Variants in OR10G3 observed in about 807,000 individuals in gnomAD.
OR10G3 encodes the protein olfactory receptor 10G3.
A neutral mutation model predicts 13.4 loss-of-function variants in OR10G3; 8 were observed. The observed-to-expected ratio is 0.60, with a 90% CI of 0.35 to 1.08. The LOEUF (loss-of-function observed/expected upper bound fraction) is 1.08. Ranked by LOEUF, OR10G3 falls within the 50% of genes least tolerant of loss-of-function variation. The pLI, the probability that OR10G3 is intolerant of heterozygous loss-of-function variation, is 0.02. For synonymous variants in OR10G3, 142 were observed against 156.1 expected (o/e 0.91, Z 0.67); for missense variants, 393 against 386.6 (o/e 1.02, Z -0.14).
rs748824648 is a variant in OR10G3, at chr14:21,570,752, A to G, written c.-8T>C. On this transcript the variant is annotated 5_prime_UTR_variant, in exon 2 of 2. Coordinates refer to ENST00000641040, the MANE Select transcript of OR10G3 (RefSeq NM_001005465.2). ...GCTGTTGATTCTTTCCATATCCCAG[A>G]GAATCTTACCTAGAGAATGGACAAA... is the stretch of plus-strand genomic sequence containing the variant. The G allele has an allele frequency of 7.1e-6, 11 of 1,553,876 alleles. No homozygotes were observed. In the South Asian group the frequency reaches 1.3e-4, roughly 19 times the overall value.
chr14:21,577,789 A>T (rs112563298), intron 1 of OR10G3, among the ~76,000 whole-genome samples: 95 of 152,150 alleles, frequency 6.2e-4, no homozygotes, highest in African/African-American at 2.2e-3. Flanking sequence ...CGGGCAGATC[A>T]CCTGAGGTCG....
chr14:21,574,652 C>T (rs1893108439), intron 1 of OR10G3, among the ~76,000 whole-genome samples: 1 of 151,950 alleles, frequency 6.6e-6, no homozygotes, highest in South Asian at 2.1e-4. Context: ...GAGCGAGTCT[C>T]AAAGCTCCTC....
rs751651063 is a variant in OR10G3, at chr14:21,570,206, CAGA to C, written c.536_538del (p.Phe179del). On this transcript the variant is annotated inframe_deletion, in exon 2 of 2. Coordinates refer to ENST00000641040, the MANE Select transcript of OR10G3 (RefSeq NM_001005465.2). ...CAGTCTCAACACTGCAGGGATGTCA[CAGA>C]AGAAGTAATCCACCTGATTGGGCCC... The C allele has an allele frequency of 2.6e-5, 42 of 1,614,208 alleles. No homozygotes were observed. The East Asian group carries it at 6.5e-4, about 25-fold the overall frequency.
In OR10G3 at chr14:21,569,995, G is replaced by A. The variant is rs757136590; in HGVS notation, c.750C>T (p.Thr250=). 3.7e-6 allele frequency: 6 copies of A among 1,614,034 alleles called. No individual in the cohort carries two copies. The highest frequency in any genetic ancestry group is 4.5e-5 in the East Asian group (2 of 44,882). ...STCGAHVTVV[T]VYYVPCAFIY... is the part of the protein sequence containing the mutation. ...TGAAGGCACAGGGCACATAGTACAC[G>A]GTGACCACGGTTACATGGGCTCCAC... is the stretch of plus-strand genomic sequence containing the variant. Residue 250 remains threonine, a synonymous_variant, in exon 2 of 2, where the codon ACC becomes ACT. Coordinates refer to ENST00000641040, the MANE Select transcript of OR10G3 (RefSeq NM_001005465.2).
chr14:21,576,542 C>T (rs1476300220), intron 1 of OR10G3, among the ~76,000 whole-genome samples: 2 of 152,158 alleles, frequency 1.3e-5, no homozygotes, highest in African/African-American at 2.4e-5. Flanking sequence ...GATACATCAA[C>T]AAAGTTTTAT....
intron 1 of OR10G3, among the ~76,000 whole-genome samples, chr14:21,575,117 T>G (rs1004302865): frequency 2.6e-5 from 4 of 152,238 alleles, no homozygotes; most frequent in African/African-American, 9.6e-5. Flanking sequence ...AGTCTTGCTC[T>G]GTCGCCCAGG....
At chr14:21,577,145 G>A (rs1387863171) in intron 1 of OR10G3, among the ~76,000 whole-genome samples, 2 of 152,008 alleles carry the variant, frequency 1.3e-5, no homozygotes, top group Non-Finnish European at 2.9e-5. Context: ...TATCCCACAT[G>A]TGGTTCTGAG....
chr14:21,577,583 T>G (rs147860728), intron 1 of OR10G3, among the ~76,000 whole-genome samples: 47 of 152,370 alleles, frequency 3.1e-4, no homozygotes, highest in African/African-American at 1.1e-3. Context: ...ACTACCCTAT[T>G]TCAAAATTGA....
Position 21,570,422 on chromosome 14 carries a change from A to C in OR10G3, c.323T>G (p.Leu108Arg). 1 of 1,614,186 alleles carries C rather than the reference A, an allele frequency of 6.2e-7. No individual in the cohort carries two copies. The change falls in exon 2 of 2, where the codon CTG becomes CGG. Residue 108 changes from leucine (L) to arginine (R), a missense_variant. Leu to Arg is a moderately radical substitution (Grantham distance 102). Coordinates refer to ENST00000641040, the MANE Select transcript of OR10G3 (RefSeq NM_001005465.2). ...GTAGAGGAAGCACTGGGTGCTGCCC[A>C]GGAAGTGATAGAAATAGAGTTGAGC... Reference protein sequence around the residue: ...CVAQLYFYHFLGSTQCFLYTL... With the variant: ...CVAQLYFYHFRGSTQCFLYTL...
In OR10G3 at chr14:21,569,702, A is replaced by G. The variant is rs1223137856; in HGVS notation, c.*101T>C. 3.2e-6 allele frequency: 3 copies of G among 939,908 alleles called. No homozygotes were observed. The highest frequency in any genetic ancestry group is 4.8e-6 in the Non-Finnish European group (3 of 627,246). The allele number at this position is 939,908 out of a possible 1,614,324, so 58.2% of individuals were successfully genotyped here. A position where few individuals can be genotyped will look rare whatever the true frequency, so the allele number is the denominator to read the frequency against. ...GTGTTTGATCATACAGTATGGCTAT[A>G]TAAAAGAGAAAAAACAAGAAGAAAA... On this transcript the variant is annotated 3_prime_UTR_variant, in exon 2 of 2. Coordinates refer to ENST00000641040, the MANE Select transcript of OR10G3 (RefSeq NM_001005465.2).
chr14:21,571,491 C>A (rs75003511), intron 1 of OR10G3, among the ~76,000 whole-genome samples: 2,201 of 152,198 alleles, frequency 0.014, 53 homozygotes, highest in African/African-American at 0.05. Context: ...TGCATGTGAT[C>A]ATTTAGCCTT....
chr14:21,577,211 G>C (rs549871571), intron 1 of OR10G3, among the ~76,000 whole-genome samples: 1 of 152,076 alleles, frequency 6.6e-6, no homozygotes, highest in African/African-American at 2.4e-5. Flanking sequence ...GAGATACGGA[G>C]GGACAGAAAG....
chr14:21,575,311 G>A (rs1893115742), intron 1 of OR10G3, among the ~76,000 whole-genome samples: 1 of 151,764 alleles, frequency 6.6e-6, no homozygotes, highest in African/African-American at 2.4e-5. Context: ...TCGATCTCCT[G>A]ACCTCATGAT....
At chr14:21,575,805 C>T (rs939901055) in intron 1 of OR10G3, among the ~76,000 whole-genome samples, 2 of 152,214 alleles carry the variant, frequency 1.3e-5, no homozygotes, top group Admixed American at 6.5e-5. Context: ...CCCGCCACCC[C>T]ATGCCATTTT....
chr14:21,573,566 G>T (rs541216151), intron 1 of OR10G3, among the ~76,000 whole-genome samples: 7 of 134,966 alleles, frequency 5.2e-5, no homozygotes, highest in Non-Finnish European at 1.0e-4. Context: ...CAGCTACTCA[G>T]GAGGTCGAGG....
In OR10G3 at chr14:21,571,484, A is replaced by G. The variant is rs563077847; in HGVS notation, c.-17-723T>C. On this transcript the variant is annotated intron_variant, in intron 1 of 1. Coordinates refer to ENST00000641040, the MANE Select transcript of OR10G3 (RefSeq NM_001005465.2). ...GTGCTATATAATTCAGTTGCTTTGC[A>G]TGTGATCATTTAGCCTTAAGACACA... 2.6e-5 allele frequency among the ~76,000 whole-genome samples: 4 copies of G among 152,326 alleles called. No individual in the cohort carries two copies. In the South Asian group the frequency reaches 8.3e-4, roughly 32 times the overall value.
At chr14:21,577,734 C>T (rs4587876) in intron 1 of OR10G3, among the ~76,000 whole-genome samples, 11,670 of 152,276 alleles carry the variant, frequency 0.077, 863 homozygotes, top group Admixed American at 0.24. Context: ...GGAGGCCGGG[C>T]GCGGTGGCTC....
chr14:21,570,568 G>A lies in OR10G3; in HGVS notation c.177C>T (p.Pro59=), dbSNP rs1023424221. The part of the protein sequence containing the change: ...VWADPRLHAR[P]MYIFLGVLSV... ...AGAGAACACCAAGAAAGATGTACATGGGGCGGGCATGGAGCCTTGGGTCTG... is the reference window on the plus strand; with the variant it reads ...AGAGAACACCAAGAAAGATGTACATAGGGCGGGCATGGAGCCTTGGGTCTG... Residue 59 remains proline, a synonymous_variant, in exon 2 of 2, where the codon CCC becomes CCT. Coordinates refer to ENST00000641040, the MANE Select transcript of OR10G3 (RefSeq NM_001005465.2). 4.3e-6 allele frequency: 7 copies of A among 1,614,084 alleles called. No homozygotes were observed. The Admixed American group carries it at 8.3e-5, about 19-fold the overall frequency.
intron 1 of OR10G3, among the ~76,000 whole-genome samples, chr14:21,573,306 A>G (rs1419141471): frequency 6.6e-6 from 1 of 152,260 alleles, no homozygotes; most frequent in East Asian, 1.9e-4. Flanking sequence ...TACAAAAGAA[A>G]AAAAGAGAAT....
Sources: gnomAD v4.1 joint callset for allele counts (sites outside exome capture counted in the v4.1 genomes callset) on GRCh38, gnomAD v4.1.1 for gene constraint, MANE v1.5 for transcripts, NCBI Gene and HGNC (gene_info 2026-07-23, HGNC 2026-07-21) for gene names.